Variants in OPRM1 observed in about 807,000 individuals in gnomAD.
OPRM1 encodes the protein mu-type opioid receptor.
Under a neutral mutation model 31.8 loss-of-function variants are expected in OPRM1, and 27 were observed. The observed-to-expected ratio is 0.85, with a 90% CI of 0.63 to 1.17. OPRM1 has a LOEUF of 1.17. Ranked by LOEUF, OPRM1 falls within the 50% of genes most tolerant of loss-of-function variation. The pLI, the probability that OPRM1 is intolerant of heterozygous loss-of-function variation, is 0.00. For synonymous variants in OPRM1, 196 were observed against 189.9 expected (o/e 1.03, Z -0.26); for missense variants, 536 against 511.1 (o/e 1.05, Z -0.47).
chr6:154,086,702 T>A (rs963226002), intron 1 of OPRM1: 2 of 985,310 alleles, frequency 2.0e-6, no homozygotes, highest in Admixed American at 6.1e-5. Flanking sequence ...GTCAGAAAAC[T>A]GACTGTAAAG....
intron 3 of OPRM1, among the ~76,000 whole-genome samples, chr6:154,147,598 A>G (rs1351546283): frequency 1.3e-5 from 2 of 152,216 alleles, no homozygotes; most frequent in African/African-American, 4.8e-5. Context: ...GATCATGTGA[A>G]TGCCAACCAT....
rs527732608 is a variant in OPRM1, at chr6:154,079,947, G to A, written c.291-9879G>A. ...GTAATGCTTTCTTAAATGGTAGGCC[G>A]CATACTTTAGGAATGCCTGATTATT... On this transcript the variant is annotated intron_variant, in intron 1 of 3. Coordinates refer to ENST00000330432, the MANE Select transcript of OPRM1 (RefSeq NM_000914.5). 4.6e-5 allele frequency among the ~76,000 whole-genome samples: 7 copies of A among 152,220 alleles called. No homozygotes were observed. In the East Asian group the frequency reaches 7.7e-4, roughly 17 times the overall value.
At chr6:154,192,311 G>A (rs1469066700) in intron 3 of OPRM1, among the ~76,000 whole-genome samples, 1 of 85,922 alleles carries the variant, frequency 1.2e-5, no homozygotes, top group African/African-American at 4.5e-5. Flanking sequence ...TGGTGGCCAC[G>A]TGGTTACTGT....
upstream of OPRM1, among the ~76,000 whole-genome samples, chr6:154,035,850 T>C (rs1415745532): frequency 6.6e-6 from 1 of 152,140 alleles, no homozygotes; most frequent in Non-Finnish European, 1.5e-5. Context: ...AGATAATAAA[T>C]TATTCTTGCT....
chr6:154,152,179 A>G (rs1470631325), intron 3 of OPRM1, among the ~76,000 whole-genome samples: 3 of 145,738 alleles, frequency 2.1e-5, no homozygotes, highest in Admixed American at 2.0e-4. Context: ...ACAAAAAAAA[A>G]AAAGAAAGAG....
chr6:154,029,813 G>A (rs925734315), intron 1 of OPRM1, among the ~76,000 whole-genome samples: 3 of 152,142 alleles, frequency 2.0e-5, no homozygotes, highest in African/African-American at 7.2e-5. Flanking sequence ...TGGTTTTATA[G>A]GAGGGTTTTT....
At chr6:154,042,776 A>T (rs1780336967) in intron 1 of OPRM1, among the ~76,000 whole-genome samples, 1 of 152,228 alleles carries the variant, frequency 6.6e-6, no homozygotes, top group Non-Finnish European at 1.5e-5. Flanking sequence ...AGTAACCATC[A>T]CCTGAAAGCT....
At chr6:154,030,758 G>A (rs1046788785) in intron 1 of OPRM1, among the ~76,000 whole-genome samples, 1 of 152,018 alleles carries the variant, frequency 6.6e-6, no homozygotes. Flanking sequence ...GAAGAAATTT[G>A]GGTAACAGAC....
chr6:154,107,584 A>G (rs367645110), intron 3 of OPRM1: 44 of 718,460 alleles, frequency 6.1e-5, no homozygotes, highest in East Asian at 3.5e-4. Context: ...TTGAGTTTGC[A>G]AAGGCTTGTA....
At chr6:154,231,172 G>C (rs1312035453) in intron 3 of OPRM1, among the ~76,000 whole-genome samples, 2 of 152,170 alleles carry the variant, frequency 1.3e-5, no homozygotes, top group Non-Finnish European at 2.9e-5. Context: ...ACAGACTCAT[G>C]ACCACTAGAG....
intron 1 of OPRM1, among the ~76,000 whole-genome samples, chr6:154,047,169 T>C (rs747838402): frequency 3.3e-5 from 5 of 151,450 alleles, no homozygotes; most frequent in Non-Finnish European, 5.9e-5. Flanking sequence ...CCATCATGTT[T>C]CATTCCCCCC....
intron 3 of OPRM1, among the ~76,000 whole-genome samples, chr6:154,143,882 A>G (rs1229869652): frequency 2.0e-5 from 3 of 152,216 alleles, no homozygotes; most frequent in Non-Finnish European, 4.4e-5. Context: ...ATAAAAAGGC[A>G]GTTATCTGAC....
intron 3 of OPRM1, among the ~76,000 whole-genome samples, chr6:154,141,748 T>G (rs1174978520): frequency 6.6e-6 from 1 of 152,232 alleles, no homozygotes; most frequent in African/African-American, 2.4e-5. Flanking sequence ...TGCATTCTTT[T>G]GAGTTTCCGA....
chr6:154,063,889 A>T (rs1029723060), intron 1 of OPRM1, among the ~76,000 whole-genome samples: 1 of 152,066 alleles, frequency 6.6e-6, no homozygotes, highest in African/African-American at 2.4e-5. Context: ...CATTTGGTTT[A>T]TTTATTCATC....
intron 3 of OPRM1, chr6:154,110,586 G>A (rs1796231569): frequency 1.8e-6 from 1 of 564,502 alleles, no homozygotes; most frequent in African/African-American, 1.9e-5. Flanking sequence ...TCTTTTGACT[G>A]CTCAAGAATT....
At chr6:154,099,284 A>AAGG (rs1793951838) in intron 3 of OPRM1, among the ~76,000 whole-genome samples, 5 of 45,124 alleles carry the variant, frequency 1.1e-4, no homozygotes, top group African/African-American at 2.6e-4. Flanking sequence ...GAGTCTGTCG[A>AAGG]AAGGAAGGAA....
At chr6:154,170,132 C>A (rs534636051) in intron 3 of OPRM1, among the ~76,000 whole-genome samples, 4 of 152,286 alleles carry the variant, frequency 2.6e-5, no homozygotes, top group African/African-American at 9.6e-5. Context: ...AATCTTCATC[C>A]TTTGATGTTG....
At chr6:154,030,313 T>A (rs1778937055) in intron 1 of OPRM1, among the ~76,000 whole-genome samples, 2 of 152,200 alleles carry the variant, frequency 1.3e-5, no homozygotes, top group African/African-American at 4.8e-5. Flanking sequence ...AAGACAGGCA[T>A]TGTGGGGACA....
At chr6:154,220,234 G>A (rs183883923) in intron 3 of OPRM1, among the ~76,000 whole-genome samples, 19 of 152,230 alleles carry the variant, frequency 1.2e-4, no homozygotes, top group African/African-American at 4.3e-4. Context: ...TGTGGTAGGC[G>A]TTCCATTAAC....
Sources: gnomAD v4.1 joint callset for allele counts (sites outside exome capture counted in the v4.1 genomes callset) on GRCh38, gnomAD v4.1.1 for gene constraint, MANE v1.5 for transcripts, NCBI Gene and HGNC (gene_info 2026-07-23, HGNC 2026-07-21) for gene names.